The following HNRNPF variants were observed in gnomAD, a reference collection of about 807,000 sequenced individuals.
The protein encoded by HNRNPF is heterogeneous nuclear ribonucleoprotein F, also known as HnRNP F protein.
In HNRNPF, 2 loss-of-function variants were observed where a neutral mutation model predicts 26.0. That is an observed-to-expected ratio of 0.08 (90% confidence interval 0.03 to 0.24). The LOEUF (loss-of-function observed/expected upper bound fraction) is 0.24. HNRNPF is among the 10% of genes least tolerant of loss of function. The pLI, the probability that HNRNPF is intolerant of heterozygous loss-of-function variation, is 1.00. For synonymous variants in HNRNPF, 234 were observed against 211.5 expected (o/e 1.11, Z -0.92); for missense variants, 299 against 539.2 (o/e 0.55, Z 4.41).
At chr10:43,402,382 TA>T (rs11319271) in intron 1 of HNRNPF, among the ~76,000 whole-genome samples, 52,430 of 152,002 alleles carry the variant, frequency 0.34, 10,739 homozygotes, top group African/African-American at 0.58. Context: ...AATTCACTTC[TA>T]ATCCTTTATC....
intron 3 of HNRNPF, among the ~76,000 whole-genome samples, chr10:43,391,915 G>A (rs188064468): frequency 8.0e-4 from 122 of 152,160 alleles, no homozygotes; most frequent in Non-Finnish European, 1.0e-3. Flanking sequence ...TTGTCAAAAG[G>A]CCTCTACTGT....
chr10:43,390,410 G>GT lies in HNRNPF; in HGVS notation c.-52-2475dup, dbSNP rs569550611. ...GCCTTAGGTCCAGCCATCGTTCCGG[G>GT]TAGGGGAGATGAAGCCATAATCCAC... On this transcript the variant is annotated intron_variant, in intron 3 of 3. Transcript: ENST00000682386. 1.8e-4 allele frequency among the ~76,000 whole-genome samples: 27 copies of GT among 152,190 alleles called. No individual in the cohort carries two copies. In the South Asian group the frequency reaches 4.8e-3, roughly 27 times the overall value.
intron 3 of HNRNPF, among the ~76,000 whole-genome samples, chr10:43,394,117 C>G (rs1457246397): frequency 6.6e-6 from 1 of 152,214 alleles, no homozygotes; most frequent in Non-Finnish European, 1.5e-5. Context: ...TGACCCCATC[C>G]TCAGCACAGA....
chr10:43,396,079 G>C (rs376734311), intron 2 of HNRNPF, among the ~76,000 whole-genome samples: 49 of 152,340 alleles, frequency 3.2e-4, no homozygotes, highest in African/African-American at 1.2e-3. Flanking sequence ...TGGGGGCTAA[G>C]AATCTGCATT....
At chr10:43,393,126 C>T (rs1283162339) in intron 3 of HNRNPF, among the ~76,000 whole-genome samples, 1 of 152,228 alleles carries the variant, frequency 6.6e-6, no homozygotes, top group Non-Finnish European at 1.5e-5. Context: ...TGCCTCACAG[C>T]TCTACCCTGT....
intron 3 of HNRNPF, among the ~76,000 whole-genome samples, chr10:43,393,999 A>T (rs1355157233): frequency 6.6e-6 from 1 of 152,220 alleles, no homozygotes; most frequent in African/African-American, 2.4e-5. Flanking sequence ...ATCCAAATTA[A>T]GTCTCATGCT....
chr10:43,391,150 G>A (rs528313447), intron 3 of HNRNPF, among the ~76,000 whole-genome samples: 14 of 152,146 alleles, frequency 9.2e-5, no homozygotes, highest in South Asian at 8.3e-4. Context: ...AAAACTAGCC[G>A]GGCGTGATGG....
At chr10:43,403,360 C>T (rs1393069727) in intron 1 of HNRNPF, among the ~76,000 whole-genome samples, 1 of 152,198 alleles carries the variant, frequency 6.6e-6, no homozygotes, top group African/African-American at 2.4e-5. Flanking sequence ...ATATAGTTAT[C>T]TGAACTTACA....
At chr10:43,400,709 T>C (rs2131985746) in intron 1 of HNRNPF, among the ~76,000 whole-genome samples, 1 of 152,282 alleles carries the variant, frequency 6.6e-6, no homozygotes, top group South Asian at 2.1e-4. Context: ...TGTACTTAAC[T>C]TTTCAGGGGC....
intron 3 of HNRNPF, among the ~76,000 whole-genome samples, chr10:43,388,297 A>T (rs1838110118): frequency 6.6e-6 from 1 of 152,220 alleles, no homozygotes; most frequent in Non-Finnish European, 1.5e-5. Flanking sequence ...TATACGCCTT[A>T]CATTTGGTAA....
chr10:43,398,763 C>G (rs4424628), intron 1 of HNRNPF, among the ~76,000 whole-genome samples: 2,016 of 152,336 alleles, frequency 0.013, 36 homozygotes, highest in African/African-American at 0.045. Flanking sequence ...AAGCAAGCCT[C>G]CAACCTCAGC....
At chr10:43,400,716 G>A (rs912814898) in intron 1 of HNRNPF, among the ~76,000 whole-genome samples, 1 of 152,086 alleles carries the variant, frequency 6.6e-6, no homozygotes, top group South Asian at 2.1e-4. Flanking sequence ...AACTTTTCAG[G>A]GGCACATGTA....
chr10:43,406,914 A>C (rs1019933705), intron 1 of HNRNPF, among the ~76,000 whole-genome samples: 1 of 152,172 alleles, frequency 6.6e-6, no homozygotes, highest in Non-Finnish European at 1.5e-5. Flanking sequence ...TATTCATTAA[A>C]GTAGTAATGT....
chr10:43,401,961 T>C (rs1838766324), intron 1 of HNRNPF, among the ~76,000 whole-genome samples: 1 of 151,666 alleles, frequency 6.6e-6, no homozygotes, highest in African/African-American at 2.4e-5. Flanking sequence ...AACAGAGAGA[T>C]GGAAGGAGGA....
chr10:43,391,351 C>T (rs927301416), intron 3 of HNRNPF, among the ~76,000 whole-genome samples: 16 of 151,248 alleles, frequency 1.1e-4, no homozygotes, highest in Admixed American at 1.3e-4. Flanking sequence ...CCAGCCACTA[C>T]GGAGGCTGAG....
At chr10:43,401,467 C>T (rs1325618564) in intron 1 of HNRNPF, among the ~76,000 whole-genome samples, 6 of 152,156 alleles carry the variant, frequency 3.9e-5, no homozygotes, top group African/African-American at 1.4e-4. Context: ...GCCCAAGAAT[C>T]ATGATATCTA....
intron 1 of HNRNPF, among the ~76,000 whole-genome samples, chr10:43,402,336 A>G (rs190272907): frequency 4.7e-4 from 72 of 152,154 alleles, no homozygotes; most frequent in Non-Finnish European, 7.8e-4. Flanking sequence ...TTTTCAAAAT[A>G]TCCTAATGGG....
chr10:43,399,967 A>C (rs568193730), intron 1 of HNRNPF, among the ~76,000 whole-genome samples: 1 of 152,356 alleles, frequency 6.6e-6, no homozygotes, highest in Non-Finnish European at 1.5e-5. Context: ...AACAGACAGG[A>C]GCATGGGTGA....
At chr10:43,399,236 C>A (rs1838673899) in intron 1 of HNRNPF, among the ~76,000 whole-genome samples, 1 of 152,174 alleles carries the variant, frequency 6.6e-6, no homozygotes, top group Admixed American at 6.5e-5. Context: ...GTGCATGCCA[C>A]CAAGCCGGGC....
Sources: allele counts gnomAD v4.1 joint callset (sites outside exome capture counted in the v4.1 genomes callset), GRCh38; gene constraint gnomAD v4.1.1; transcripts MANE v1.5; gene names NCBI Gene and HGNC (gene_info 2026-07-23, HGNC 2026-07-21).